CYP4F11: variants seen among roughly 807,000 people sequenced by gnomAD.
The protein encoded by CYP4F11 is cytochrome P450 4F11.
A neutral mutation model predicts 62.2 loss-of-function variants in CYP4F11; 79 were observed. The observed-to-expected ratio is 1.27, with a 90% CI of 1.06 to 1.53. CYP4F11 has a LOEUF of 1.53. CYP4F11 is among the 40% of genes most tolerant of loss of function. The probability of loss-of-function intolerance (pLI) is 0.00; values close to 1 mark genes in which losing one functional copy is unlikely to be tolerated. For synonymous variants in CYP4F11, 290 were observed against 263.7 expected, an observed-to-expected ratio of 1.10 and a Z score of -0.97; for missense variants, 777 against 680.5, an observed-to-expected ratio of 1.14 and a Z score of -1.58.
In CYP4F11 at chr19:15,927,425, C is replaced by T; in HGVS notation, c.397+5G>A. The T allele has an allele frequency of 6.2e-7, 1 of 1,614,142 alleles. No homozygotes were observed. ...TCCCCAACCCCATTCACCTCAATTA[C>T]TCACCCAGCCAGGGCTTCAGGAAGC... On this transcript the variant is annotated splice_donor_5th_base_variant and intron_variant, in intron 3 of 11. Coordinates refer to ENST00000402119, the MANE Select transcript of CYP4F11 (RefSeq NM_021187.4).
At chr19:15,928,953 C>T (rs780886994) in intron 2 of CYP4F11, among the ~76,000 whole-genome samples, 10 of 152,230 alleles carry the variant, frequency 6.6e-5, no homozygotes, top group Non-Finnish European at 1.5e-4. Context: ...ACAGACAAGG[C>T]TGATGCCAGG....
At chr19:15,918,491 C>T (rs1451023122) in intron 8 of CYP4F11, among the ~76,000 whole-genome samples, 1 of 152,018 alleles carries the variant, frequency 6.6e-6, no homozygotes, top group Non-Finnish European at 1.5e-5. Flanking sequence ...TATGGGAAAG[C>T]TGTTGCCATC....
At chr19:15,931,605 G>GAGAGGAATGAGTGAGTGAGA (rs2089722468) in intron 1 of CYP4F11, among the ~76,000 whole-genome samples, 1 of 79,510 alleles carries the variant, frequency 1.3e-5, no homozygotes. Flanking sequence ...AGTGAGTGAG[G>GAGAGGAATGAGTGAGTGAGA]AGAGGAATGA....
intron 1 of CYP4F11, among the ~76,000 whole-genome samples, chr19:15,931,235 G>C (rs146809374): frequency 6.6e-6 from 1 of 151,828 alleles, no homozygotes; most frequent in Non-Finnish European, 1.5e-5. Flanking sequence ...GTGTCCCTGC[G>C]TATGGAAAGG....
chr19:15,920,450 A>C (rs946297618), intron 8 of CYP4F11, among the ~76,000 whole-genome samples: 10 of 152,188 alleles, frequency 6.6e-5, no homozygotes, highest in African/African-American at 2.4e-4. Context: ...TTAAGAAGGA[A>C]GCTCATTTTT....
rs138584067 is a variant in CYP4F11, at chr19:15,916,309, A to G, written c.1116-1414T>C. On this transcript the variant is annotated intron_variant, in intron 8 of 11. Coordinates refer to ENST00000402119, the MANE Select transcript of CYP4F11 (RefSeq NM_021187.4). ...AAACTTTTTTGGGAAGAAAAACATC[A>G]TAAAGAGCTAGGTCAATCTGAAAAT... Among the ~76,000 whole-genome samples, 22 of 152,302 alleles carry G rather than the reference A, an allele frequency of 1.4e-4. No individual in the cohort carries two copies. In the East Asian group the frequency reaches 4.2e-3, roughly 29 times the overall value.
At position 15,929,351 on chromosome 19, in the gene CYP4F11, GAGGGGCCTGGGCCCTGC is replaced by G. The variant is rs899145003; in HGVS notation, c.343+89_343+105del. The G allele has an allele frequency of 5.6e-6, 8 of 1,427,558 alleles. No individual in the cohort carries two copies. In the African/African-American group the frequency reaches 7.1e-5, roughly 13 times the overall value. 88.4% of individuals were successfully genotyped at this position (1,427,558 alleles called of 1,614,324 possible). A position where few individuals can be genotyped will look rare whatever the true frequency, so the allele number is the denominator to read the frequency against. ...AACATGGCTGAGAGAGAAGCAGGAAGAGGGGCCTGGGCCCTGCAGGGGCCACACAGAAGCTTGGGGAG... is the reference window on the plus strand; with the variant it reads ...AACATGGCTGAGAGAGAAGCAGGAAGAGGGGCCACACAGAAGCTTGGGGAG... On this transcript the variant is annotated intron_variant, in intron 2 of 11. Transcript: ENST00000402119.
At chr19:15,934,851 A>G, upstream of CYP4F11, 1 of 173,414 alleles carries the variant, frequency 5.8e-6, no homozygotes, top group Non-Finnish European at 1.2e-5. Flanking sequence ...CCCCTCTGCT[A>G]GGAGGTCTTT....
At chr19:15,922,856 C>T (rs1393959642) in intron 6 of CYP4F11, among the ~76,000 whole-genome samples, 3 of 151,736 alleles carry the variant, frequency 2.0e-5, no homozygotes, top group African/African-American at 7.3e-5. Flanking sequence ...GAGTTCGCAA[C>T]CAGCCTGACC....
intron 11 of CYP4F11, 69 bp from the exon 12 acceptor site, chr19:15,913,978 C>G (rs2089560676): frequency 3.9e-6 from 6 of 1,540,068 alleles, no homozygotes; most frequent in Non-Finnish European, 5.3e-6. Context: ...TGCTTAGAAC[C>G]TGGCCTGGGA....
chr19:15,913,401 CAG>C lies in CYP4F11; in HGVS notation c.*329_*330del, dbSNP rs1432789119. On this transcript the variant is annotated 3_prime_UTR_variant, in exon 12 of 12. Coordinates refer to ENST00000402119, the MANE Select transcript of CYP4F11 (RefSeq NM_021187.4). ...CCCCTATGGTTGTTTCTCGCTGAATCAGAGTCTCAGTCTTGCTCCTTAAACCC... is the reference window on the plus strand; with the variant it reads ...CCCCTATGGTTGTTTCTCGCTGAATCAGTCTCAGTCTTGCTCCTTAAACCC... The C allele has an allele frequency of 5.8e-6, 2 of 341,956 alleles. No individual in the cohort carries two copies. Among genetic ancestry groups the C allele is most frequent in the African/African-American group, 2.2e-5 (1 of 46,414 alleles). 21.2% of individuals were successfully genotyped at this position (341,956 alleles called of 1,614,324 possible).
chr19:15,922,054 T>G lies in CYP4F11; in HGVS notation c.1098A>C (p.Glu366Asp). The G allele has an allele frequency of 6.2e-7, 1 of 1,610,904 alleles. No individual in the cohort carries two copies. The highest frequency in any genetic ancestry group is 8.5e-7 in the Non-Finnish European group (1 of 1,178,212). Reference protein sequence around the residue: ...QEVQELLKDREPIEIEWDDLA... With the variant: ...QEVQELLKDRDPIEIEWDDLA... ...GCACTCACCATTCAATCTCTATAGGTTCACGGTCCTTCAGAAGCTCTTGCA... is the reference window on the plus strand; with the variant it reads ...GCACTCACCATTCAATCTCTATAGGGTCACGGTCCTTCAGAAGCTCTTGCA... Residue 366 changes from glutamate to aspartate, a missense_variant, in exon 8 of 12, where the codon GAA (glutamate) becomes GAC (aspartate). Transcript: ENST00000402119.
intron 11 of CYP4F11, 48 bp downstream of exon 11, chr19:15,914,257 C>G (rs974312958): frequency 3.1e-6 from 5 of 1,592,710 alleles, no homozygotes; most frequent in South Asian, 1.1e-5. Context: ...CTTTTTGGAC[C>G]CCTGCACCCA....
intron 1 of CYP4F11, among the ~76,000 whole-genome samples, chr19:15,930,328 T>A (rs1264191025): frequency 6.6e-6 from 1 of 152,074 alleles, no homozygotes; most frequent in Admixed American, 6.5e-5. Flanking sequence ...TGGTGGCTCA[T>A]GCCTGTAATC....
At chr19:15,914,918 A>C in intron 8 of CYP4F11, 23 bp from the exon 9 acceptor site, 1 of 1,611,540 alleles carries the variant, frequency 6.2e-7, no homozygotes, top group South Asian at 1.1e-5. Context: ...CCCAGCCCCA[A>C]TCATTATCAA....
chr19:15,921,050 T>TTCTCTCTCTCTCTCTCTCTCTCTC (rs2089622954), intron 8 of CYP4F11, among the ~76,000 whole-genome samples: 1 of 38,114 alleles, frequency 2.6e-5, no homozygotes, highest in African/African-American at 1.2e-4. Context: ...CTCTCTCTCT[T>TTCTCTCTCTCTCTCTCTCTCTCTC]TCTGTCTCTC....
Position 15,927,547 on chromosome 19 carries a change from G to A in CYP4F11, c.344-64C>T. ...GTGAGAGAAGGACTTTGGGTATGGA[G>A]GAATGCTCCCAGCCAGGGGTGTGCA... On this transcript the variant is annotated intron_variant, in intron 2 of 11. Coordinates refer to ENST00000402119, the MANE Select transcript of CYP4F11 (RefSeq NM_021187.4). 5.6e-6 allele frequency: 9 copies of A among 1,604,922 alleles called. No individual in the cohort carries two copies. In the East Asian group the frequency reaches 1.1e-4, roughly 20 times the overall value.
At chr19:15,919,088 C>G (rs1237843581) in intron 8 of CYP4F11, among the ~76,000 whole-genome samples, 1 of 148,186 alleles carries the variant, frequency 6.7e-6, no homozygotes, top group Non-Finnish European at 1.5e-5. Context: ...TTCATTGACT[C>G]CTAATTATTA....
intron 1 of CYP4F11, among the ~76,000 whole-genome samples, chr19:15,930,876 G>C (rs576498889): frequency 1.3e-5 from 2 of 152,300 alleles, no homozygotes; most frequent in South Asian, 2.1e-4. Context: ...CCCAGGCGTA[G>C]AGGAGTGACT....
Sources: allele counts gnomAD v4.1 joint callset (sites outside exome capture counted in the v4.1 genomes callset), GRCh38; gene constraint gnomAD v4.1.1; transcripts MANE v1.5; gene names NCBI Gene and HGNC (gene_info 2026-07-23, HGNC 2026-07-21).